The following AGBL1 variants were observed in gnomAD, a reference collection of about 807,000 sequenced individuals.
AGBL1 encodes the protein AGBL carboxypeptidase 1, also known as cytosolic carboxypeptidase 4.
AGBL1 carries 130 observed loss-of-function variants against 118.9 expected under a neutral mutation model. That is an observed-to-expected ratio of 1.09 (90% confidence interval 0.95 to 1.26). The LOEUF is 1.26. Ranked by LOEUF, AGBL1 falls within the 50% of genes most tolerant of loss-of-function variation. The probability of loss-of-function intolerance (pLI) is 0.00; values close to 1 mark genes in which losing one functional copy is unlikely to be tolerated. For synonymous variants in AGBL1, 555 were observed against 478.9 expected (o/e 1.16, Z -2.08); for missense variants, 1,584 against 1,298.1 (o/e 1.22, Z -3.38).
At chr15:86,978,262 A>G (rs2081194770) in intron 23 of AGBL1, among the ~76,000 whole-genome samples, 1 of 152,190 alleles carries the variant, frequency 6.6e-6, no homozygotes, top group Non-Finnish European at 1.5e-5. Context: ...AGGTTCAGAG[A>G]ATGAAAGTAG....
intron 18 of AGBL1, among the ~76,000 whole-genome samples, chr15:86,414,089 T>A (rs939959634): frequency 6.6e-6 from 1 of 152,138 alleles, no homozygotes; most frequent in African/African-American, 2.4e-5. Flanking sequence ...AGACAAATAC[T>A]GTATGTTCTC....
At chr15:86,905,856 C>T (rs982504836) in intron 22 of AGBL1, among the ~76,000 whole-genome samples, 8 of 152,126 alleles carry the variant, frequency 5.3e-5, no homozygotes, top group Non-Finnish European at 8.8e-5. Context: ...ACTTTATTAC[C>T]CACAAGTCAG....
At chr15:86,485,445 A>G (rs1248192248) in intron 18 of AGBL1, among the ~76,000 whole-genome samples, 2 of 152,148 alleles carry the variant, frequency 1.3e-5, no homozygotes, top group African/African-American at 2.4e-5. Context: ...TCAAGGGCTT[A>G]TAGTAAATAT....
intron 22 of AGBL1, among the ~76,000 whole-genome samples, chr15:86,888,595 G>A (rs1157514357): frequency 3.9e-5 from 6 of 152,112 alleles, no homozygotes; most frequent in Non-Finnish European, 8.8e-5. Flanking sequence ...AGGGAGTGGG[G>A]TGGTCCTAAA....
intron 16 of AGBL1, among the ~76,000 whole-genome samples, chr15:86,286,820 G>A (rs2079462185): frequency 6.6e-6 from 1 of 150,756 alleles, no homozygotes; most frequent in Non-Finnish European, 1.5e-5. Context: ...ACTGAACATA[G>A]GGGTGTATAC....
At chr15:86,322,453 A>G (rs1380876905) in intron 17 of AGBL1, among the ~76,000 whole-genome samples, 1 of 152,120 alleles carries the variant, frequency 6.6e-6, no homozygotes, top group Non-Finnish European at 1.5e-5. Flanking sequence ...ATTAATATTT[A>G]TGCTTTAAAT....
At chr15:86,135,656 A>T (rs995912925) in intron 1 of AGBL1, among the ~76,000 whole-genome samples, 2 of 152,180 alleles carry the variant, frequency 1.3e-5, no homozygotes, top group Non-Finnish European at 2.9e-5. Context: ...CCATGCTAGG[A>T]TCAGGGGAGG....
chr15:87,013,767 C>A (rs1427602704), intron 24 of AGBL1, among the ~76,000 whole-genome samples: 1 of 151,124 alleles, frequency 6.6e-6, no homozygotes. Flanking sequence ...TAAAGAAGTT[C>A]ACTCAATGAG....
At chr15:87,018,149 G>A (rs891179579) in intron 24 of AGBL1, among the ~76,000 whole-genome samples, 2 of 152,106 alleles carry the variant, frequency 1.3e-5, no homozygotes, top group Admixed American at 1.3e-4. Flanking sequence ...CAATGGATTG[G>A]GGTACCTGAA....
At chr15:86,718,815 C>G (rs1055796867) in intron 22 of AGBL1, among the ~76,000 whole-genome samples, 2 of 152,060 alleles carry the variant, frequency 1.3e-5, no homozygotes, top group Admixed American at 1.3e-4. Context: ...TAAACAGAAA[C>G]AAATGAAGTA....
Position 86,789,203 on chromosome 15 carries a change from G to C in AGBL1, c.3158+114767G>C, listed in dbSNP as rs971930335. Among the ~76,000 whole-genome samples, 5 of 152,332 alleles carry C rather than the reference G, an allele frequency of 3.3e-5. No homozygotes were observed. In the South Asian group the frequency reaches 6.2e-4, roughly 19 times the overall value. On this transcript the variant is annotated intron_variant, in intron 22 of 22. Transcript: ENST00000614907. The stretch of plus-strand genomic sequence containing the variant: ...GCTCAGCCCAATTGCCTGTACACTT[G>C]TGCTCCTAATCTGGAGTCCCAACAC...
At position 86,554,903 on chromosome 15, in the gene AGBL1, T is replaced by C. The variant is rs571400252; in HGVS notation, c.2994+366T>C. On this transcript the variant is annotated intron_variant, in intron 21 of 22. Coordinates refer to ENST00000614907, the MANE Select transcript of AGBL1 (RefSeq NM_001386094.1). ...AACAAGTGGACTAGTTCTATGTACATCATAAAGGGCATAGGTCAGTGTGTA... is the reference window on the plus strand; with the variant it reads ...AACAAGTGGACTAGTTCTATGTACACCATAAAGGGCATAGGTCAGTGTGTA... 3.3e-4 allele frequency among the ~76,000 whole-genome samples: 50 copies of C among 152,320 alleles called. 1 individual carries two copies. In the South Asian group the frequency reaches 7.7e-3, roughly 23 times the overall value.
intron 22 of AGBL1, among the ~76,000 whole-genome samples, chr15:86,700,291 C>T (rs1395184028): frequency 6.6e-6 from 1 of 151,958 alleles, no homozygotes; most frequent in Non-Finnish European, 1.5e-5. Flanking sequence ...ATGTCTCCAT[C>T]ATTCTCTGAG....
chr15:86,147,536 G>A (rs1333577586), intron 3 of AGBL1, among the ~76,000 whole-genome samples: 1 of 152,216 alleles, frequency 6.6e-6, no homozygotes, highest in East Asian at 1.9e-4. Flanking sequence ...ATCAATCTGT[G>A]AGGCAGCAGC....
intron 23 of AGBL1, among the ~76,000 whole-genome samples, chr15:86,961,952 ATAGAG>A (rs1166205602): frequency 6.6e-6 from 1 of 152,102 alleles, no homozygotes; most frequent in African/African-American, 2.4e-5. Context: ...AACTGACTTT[ATAGAG>A]TAATGTCCGA....
chr15:86,695,165 T>C (rs1299947017), intron 22 of AGBL1, among the ~76,000 whole-genome samples: 1 of 152,044 alleles, frequency 6.6e-6, no homozygotes, highest in Non-Finnish European at 1.5e-5. Flanking sequence ...GTCAATAGGA[T>C]TGGTACTAAT....
chr15:86,793,285 T>C (rs2078522212), intron 22 of AGBL1, among the ~76,000 whole-genome samples: 1 of 152,200 alleles, frequency 6.6e-6, no homozygotes, highest in African/African-American at 2.4e-5. Context: ...GGCATAACTC[T>C]AGACATATGA....
intron 1 of AGBL1, among the ~76,000 whole-genome samples, chr15:86,131,972 G>A (rs543923166): frequency 6.7e-6 from 1 of 150,276 alleles, no homozygotes; most frequent in South Asian, 2.1e-4. Flanking sequence ...AAATCATAAC[G>A]TTGTCTACAT....
intron 22 of AGBL1, among the ~76,000 whole-genome samples, chr15:86,795,277 C>A (rs550887263): frequency 6.2e-4 from 95 of 152,192 alleles, no homozygotes; most frequent in African/African-American, 2.3e-3. Flanking sequence ...ATTGCCTGGA[C>A]GGAGGCTGAT....
Sources: allele counts gnomAD v4.1 joint callset (sites outside exome capture counted in the v4.1 genomes callset), GRCh38; gene constraint gnomAD v4.1.1; transcripts MANE v1.5; gene names NCBI Gene and HGNC (gene_info 2026-07-23, HGNC 2026-07-21).